The following SNTG1 variants were observed in gnomAD, a reference collection of about 807,000 sequenced individuals.
SNTG1 encodes the protein syntrophin gamma 1.
SNTG1 carries 39 observed loss-of-function variants against 74.7 expected under a neutral mutation model. The ratio of observed to expected loss-of-function variants is 0.52; its 90% confidence interval spans 0.40 to 0.68. The LOEUF (loss-of-function observed/expected upper bound fraction) is 0.68. Ranked by LOEUF, SNTG1 falls within the 30% of genes least tolerant of loss-of-function variation. The pLI is 0.00. For synonymous variants in SNTG1, 254 were observed against 217.1 expected, an observed-to-expected ratio of 1.17 and a Z score of -1.49; for missense variants, 685 against 609.5, an observed-to-expected ratio of 1.12 and a Z score of -1.30.
chr8:50,771,575 G>T (rs920685887), intron 18 of SNTG1, among the ~76,000 whole-genome samples: 3 of 152,094 alleles, frequency 2.0e-5, no homozygotes, highest in Non-Finnish European at 2.9e-5. Context: ...AAAAGAAAAG[G>T]CATGTTTGGA....
intron 18 of SNTG1, among the ~76,000 whole-genome samples, chr8:50,784,577 C>T (rs2095669380): frequency 6.6e-6 from 1 of 151,958 alleles, no homozygotes; most frequent in African/African-American, 2.4e-5. Context: ...TGGAAGGTAC[C>T]ACCAATTAGT....
chr8:50,369,076 G>T lies in SNTG1; in HGVS notation c.-27-25136G>T, dbSNP rs147585970. Among the ~76,000 whole-genome samples, 109 of 152,146 alleles carry T rather than the reference G, an allele frequency of 7.2e-4. 1 individual carries two copies. Among genetic ancestry groups the T allele is most frequent in the African/African-American group, 2.3e-3 (97 of 41,504 alleles). ...TGCTGGAATAAGTTAAGAATTTGGG[G>T]GCTACTGGAATGGGATGAATGTATT... On this transcript the variant is annotated intron_variant, in intron 2 of 18. Coordinates refer to ENST00000642720, the MANE Select transcript of SNTG1 (RefSeq NM_018967.5).
intron 1 of SNTG1, among the ~76,000 whole-genome samples, chr8:50,148,218 A>T (rs1449039293): frequency 5.3e-5 from 8 of 152,244 alleles, no homozygotes; most frequent in African/African-American, 1.7e-4. Context: ...TATAAAAATG[A>T]TTATGAATAT....
At chr8:50,206,865 C>T (rs920079276) in intron 2 of SNTG1, among the ~76,000 whole-genome samples, 5 of 152,062 alleles carry the variant, frequency 3.3e-5, no homozygotes, top group Non-Finnish European at 2.9e-5. Context: ...TGATGGATTA[C>T]GTTTATTGAT....
chr8:50,055,690 C>A (rs192628572), intron 1 of SNTG1, among the ~76,000 whole-genome samples: 52 of 152,162 alleles, frequency 3.4e-4, no homozygotes, highest in Non-Finnish European at 6.5e-4. Context: ...TCTTTCCCAT[C>A]TTTTCTCAGT....
chr8:49,974,322 G>A (rs949736589), intron 1 of SNTG1, among the ~76,000 whole-genome samples: 5 of 152,148 alleles, frequency 3.3e-5, no homozygotes, highest in African/African-American at 1.2e-4. Flanking sequence ...CCTCCATGTT[G>A]TAGCGGGTGC....
At chr8:49,952,675 G>T (rs1413456568) in intron 1 of SNTG1, among the ~76,000 whole-genome samples, 1 of 152,236 alleles carries the variant, frequency 6.6e-6, no homozygotes, top group South Asian at 2.1e-4. Context: ...TGATAGGATT[G>T]TGCAGAGGCT....
At chr8:50,101,444 A>T (rs912032277) in intron 1 of SNTG1, among the ~76,000 whole-genome samples, 9 of 152,114 alleles carry the variant, frequency 5.9e-5, no homozygotes, top group African/African-American at 2.2e-4. Context: ...CAGCATCGTT[A>T]TTCTTTGAGT....
chr8:50,568,457 G>A (rs111472966), intron 12 of SNTG1, among the ~76,000 whole-genome samples: 3 of 152,170 alleles, frequency 2.0e-5, no homozygotes, highest in African/African-American at 4.8e-5. Context: ...CACCACTGGT[G>A]TGTGAGGGTT....
intron 2 of SNTG1, among the ~76,000 whole-genome samples, chr8:50,233,111 T>A (rs1027041922): frequency 1.2e-4 from 18 of 151,692 alleles, no homozygotes; most frequent in African/African-American, 4.1e-4. Flanking sequence ...GCAAAAACAA[T>A]TTTGAAAAGA....
chr8:50,633,147 T>A (rs997699998), intron 13 of SNTG1, among the ~76,000 whole-genome samples: 2 of 94,706 alleles, frequency 2.1e-5, no homozygotes, highest in Non-Finnish European at 5.5e-5. Flanking sequence ...CTGTCTTCCA[T>A]TTCATTGCCT....
At chr8:50,589,302 G>C (rs917249880) in intron 12 of SNTG1, among the ~76,000 whole-genome samples, 3 of 151,996 alleles carry the variant, frequency 2.0e-5, no homozygotes, top group African/African-American at 7.2e-5. Context: ...ATTCCTCACA[G>C]GTAAATAATT....
chr8:50,199,238 A>G (rs1586665086), intron 2 of SNTG1, among the ~76,000 whole-genome samples: 1 of 140,586 alleles, frequency 7.1e-6, no homozygotes, highest in East Asian at 2.1e-4. Flanking sequence ...TTTTTTTGAG[A>G]CCAAGTTTCA....
chr8:50,283,870 T>C (rs535164599), intron 2 of SNTG1, among the ~76,000 whole-genome samples: 2 of 152,182 alleles, frequency 1.3e-5, no homozygotes, highest in Non-Finnish European at 2.9e-5. Flanking sequence ...ACTTAAAATA[T>C]ATTATGGAGA....
intron 1 of SNTG1, among the ~76,000 whole-genome samples, chr8:49,970,090 G>A (rs576580921): frequency 7.2e-5 from 11 of 152,226 alleles, no homozygotes; most frequent in East Asian, 3.9e-4. Context: ...TAGGATTGGC[G>A]TAAAGAATGC....
chr8:50,705,735 T>C (rs111242765), intron 16 of SNTG1, among the ~76,000 whole-genome samples: 75 of 152,334 alleles, frequency 4.9e-4, no homozygotes, highest in African/African-American at 1.8e-3. Flanking sequence ...TATTGAACTT[T>C]GTTTCTTAAG....
intron 1 of SNTG1, among the ~76,000 whole-genome samples, chr8:50,070,364 G>A (rs924327237): frequency 1.3e-5 from 2 of 152,036 alleles, no homozygotes; most frequent in Non-Finnish European, 2.9e-5. Flanking sequence ...TTTAAAAAAC[G>A]TTTTGGAAAA....
intron 15 of SNTG1, among the ~76,000 whole-genome samples, chr8:50,699,652 CTAT>C (rs1308588438): frequency 1.3e-5 from 2 of 152,026 alleles, no homozygotes; most frequent in African/African-American, 4.8e-5. Flanking sequence ...ATATGTTTAG[CTAT>C]TATTATTATC....
At chr8:50,457,623 T>C (rs192785859) in intron 8 of SNTG1, among the ~76,000 whole-genome samples, 22 of 152,270 alleles carry the variant, frequency 1.4e-4, no homozygotes, top group African/African-American at 5.3e-4. Flanking sequence ...GGGCAAGGGT[T>C]GTTGGTAACT....
Sources: allele counts gnomAD v4.1 joint callset (sites outside exome capture counted in the v4.1 genomes callset), GRCh38; gene constraint gnomAD v4.1.1; transcripts MANE v1.5; gene names NCBI Gene and HGNC (gene_info 2026-07-23, HGNC 2026-07-21).